DPP6: variants seen among roughly 807,000 people sequenced by gnomAD.
The protein encoded by DPP6 is dipeptidyl peptidase like 6.
A neutral mutation model predicts 122.6 loss-of-function variants in DPP6; 69 were observed. The observed-to-expected ratio is 0.56, with a 90% CI of 0.46 to 0.69. The LOEUF (loss-of-function observed/expected upper bound fraction) is 0.69, where lower values mean the gene tolerates loss of function less well. Ranked by LOEUF, DPP6 falls within the 30% of genes least tolerant of loss-of-function variation. The pLI, the probability that DPP6 is intolerant of heterozygous loss-of-function variation, is 0.00. For missense variants in DPP6, 928 were observed against 1,116.9 expected (o/e 0.83, Z 2.41); for synonymous variants, 418 against 433.1 (o/e 0.97, Z 0.43).
At chr7:154,375,753 T>C (rs1275896288) in intron 1 of DPP6, among the ~76,000 whole-genome samples, 3 of 152,204 alleles carry the variant, frequency 2.0e-5, no homozygotes, top group African/African-American at 7.2e-5. Flanking sequence ...TACTCAGCCA[T>C]TGGTATTTCA....
intron 1 of DPP6, among the ~76,000 whole-genome samples, chr7:154,389,952 G>A (rs1814468594): frequency 6.6e-6 from 1 of 152,212 alleles, no homozygotes; most frequent in South Asian, 2.1e-4. Context: ...CAAATATGCG[G>A]GTTTGCAATG....
chr7:154,180,367 C>G (rs1176636744), intron 1 of DPP6, among the ~76,000 whole-genome samples: 2 of 145,418 alleles, frequency 1.4e-5, no homozygotes, highest in African/African-American at 5.1e-5. Context: ...TAGATTCTCT[C>G]TCTCAAAATA....
At chr7:154,517,722 C>T (rs73163066) in intron 3 of DPP6, among the ~76,000 whole-genome samples, 11,487 of 151,952 alleles carry the variant, frequency 0.076, 478 homozygotes, top group African/African-American at 0.09. Flanking sequence ...TACACAGCAG[C>T]GCTCTCATGG....
chr7:153,987,712 T>G (rs992331595), intron 1 of DPP6, among the ~76,000 whole-genome samples: 5 of 152,148 alleles, frequency 3.3e-5, no homozygotes, highest in Non-Finnish European at 5.9e-5. Flanking sequence ...TGTGGGGTGC[T>G]GCAGCTGGGG....
intron 1 of DPP6, among the ~76,000 whole-genome samples, chr7:154,410,387 ACT>A (rs1816495818): frequency 6.6e-6 from 1 of 152,202 alleles, no homozygotes; most frequent in Admixed American, 6.5e-5. Context: ...ACTGGCTTAA[ACT>A]CTGCTGGGAT....
chr7:154,503,648 G>A (rs1041913360), intron 3 of DPP6, among the ~76,000 whole-genome samples: 7 of 150,550 alleles, frequency 4.6e-5, no homozygotes, highest in African/African-American at 1.7e-4. Flanking sequence ...CAAGAAACCT[G>A]TGACCCTCAT....
chr7:153,887,516 C>T, exon 1 of DPP6: 1 of 669,264 alleles, frequency 1.5e-6, no homozygotes, highest in Non-Finnish European at 2.7e-6. Flanking sequence ...AAGACACGGG[C>T]AGGGGTGCGC....
chr7:154,396,323 G>A (rs1815081504), intron 1 of DPP6, among the ~76,000 whole-genome samples: 1 of 152,182 alleles, frequency 6.6e-6, no homozygotes, highest in African/African-American at 2.4e-5. Flanking sequence ...GAAATAGTGG[G>A]ACTGTGATTT....
intron 3 of DPP6, among the ~76,000 whole-genome samples, chr7:154,515,726 G>A (rs1265370422): frequency 1.4e-4 from 21 of 152,020 alleles, no homozygotes; most frequent in Admixed American, 1.2e-3. Flanking sequence ...CGCCCTCGTC[G>A]GCCTCCCAAA....
intron 10 of DPP6, among the ~76,000 whole-genome samples, chr7:154,779,391 C>T (rs926486458): frequency 1.3e-5 from 2 of 152,054 alleles, no homozygotes; most frequent in East Asian, 3.9e-4. Flanking sequence ...GTCCCTGTTG[C>T]TCTCCATTCT....
the DPP6 span, among the ~76,000 whole-genome samples, chr7:153,854,247 A>G: frequency 1.3e-5 from 2 of 151,998 alleles, no homozygotes; most frequent in Non-Finnish European, 2.9e-5. Context: ...TGGTTACTGT[A>G]GCCTTGTAGT....
At chr7:154,371,310 C>T (rs1812634039) in intron 1 of DPP6, among the ~76,000 whole-genome samples, 1 of 124,172 alleles carries the variant, frequency 8.1e-6, no homozygotes, top group South Asian at 2.7e-4. Flanking sequence ...ACCTGGGAGG[C>T]AGAGGTTGCA....
At chr7:154,495,804 A>G (rs1389711312) in intron 3 of DPP6, among the ~76,000 whole-genome samples, 1 of 152,202 alleles carries the variant, frequency 6.6e-6, no homozygotes, top group Non-Finnish European at 1.5e-5. Flanking sequence ...TTGGAGTCCA[A>G]CAACAAGTGG....
rs1390440444 is a variant in DPP6 at position 154,053,079 on chromosome 7, G to T, written c.243+16G>T. 6.6e-6 allele frequency: 7 copies of T among 1,067,538 alleles called. No homozygotes were observed. The East Asian group carries it at 2.9e-4, about 44-fold the overall frequency. 66.1% of individuals were successfully genotyped at this position (1,067,538 alleles called of 1,614,324 possible). On this transcript the variant is annotated intron_variant, in intron 1 of 25. Transcript: ENST00000377770. ...CGAGGAGGACGTAAGAGCTTCTCGGGGGCGGGGGGCGGCGGCGGGTTCTCC... is the reference window on the plus strand; with the variant it reads ...CGAGGAGGACGTAAGAGCTTCTCGGTGGCGGGGGGCGGCGGCGGGTTCTCC...
chr7:154,712,485 T>C (rs1841247097), intron 7 of DPP6, among the ~76,000 whole-genome samples: 1 of 152,186 alleles, frequency 6.6e-6, no homozygotes, highest in Non-Finnish European at 1.5e-5. Flanking sequence ...ATTCTCATGC[T>C]GCTATGAAGA....
At chr7:154,796,138 G>A (rs1292261057) in intron 12 of DPP6, 4 of 497,434 alleles carry the variant, frequency 8.0e-6, no homozygotes, top group South Asian at 4.4e-5. Context: ...GGAATGTTTG[G>A]TGAGACCTCA....
intron 1 of DPP6, among the ~76,000 whole-genome samples, chr7:154,425,892 C>T (rs897196265): frequency 2.6e-5 from 4 of 152,078 alleles, no homozygotes; most frequent in South Asian, 4.2e-4. Context: ...ATCCTCCCAC[C>T]TCAATCTCCC....
intron 1 of DPP6, among the ~76,000 whole-genome samples, chr7:154,224,856 A>G (rs1800502455): frequency 7.5e-6 from 1 of 133,944 alleles, no homozygotes; most frequent in Admixed American, 7.0e-5. Context: ...ACATTCTGAT[A>G]TCAGGGCTGG....
intron 17 of DPP6, among the ~76,000 whole-genome samples, chr7:154,854,919 T>G (rs777619409): frequency 3.9e-5 from 6 of 152,144 alleles, no homozygotes; most frequent in Non-Finnish European, 8.8e-5. Flanking sequence ...TCCCACTCCC[T>G]TCCACATTCA....
Sources: allele counts gnomAD v4.1 joint callset (sites outside exome capture counted in the v4.1 genomes callset), GRCh38; gene constraint gnomAD v4.1.1; transcripts MANE v1.5; gene names NCBI Gene and HGNC (gene_info 2026-07-23, HGNC 2026-07-21).